LCLAT1: variants seen among roughly 807,000 people sequenced by gnomAD.
LCLAT1 encodes 1-AGP acyltransferase 8.
LCLAT1 carries 11 observed loss-of-function variants against 30.7 expected under a neutral mutation model. The observed-to-expected ratio is 0.36, with a 90% CI of 0.23 to 0.59. The LOEUF is 0.59. Ranked by LOEUF, LCLAT1 falls within the 20% of genes least tolerant of loss-of-function variation. The probability of loss-of-function intolerance (pLI) is 0.77; values close to 1 mark genes in which losing one functional copy is unlikely to be tolerated. For missense variants in LCLAT1, 402 were observed against 458.6 expected (o/e 0.88, Z 1.13); for synonymous variants, 155 against 151.3 (o/e 1.02, Z -0.18).
chr2:30,462,496 C>G (rs1328918347), intron 1 of LCLAT1, among the ~76,000 whole-genome samples: 2 of 152,128 alleles, frequency 1.3e-5, no homozygotes, highest in South Asian at 2.1e-4. Context: ...AGGGGAGGAC[C>G]CTTCTGCTCA....
At chr2:30,539,241 G>A (rs144000180) in intron 3 of LCLAT1, among the ~76,000 whole-genome samples, 13,366 of 139,148 alleles carry the variant, frequency 0.096, 658 homozygotes, top group East Asian at 0.12. Context: ...GAGCCACCGC[G>A]CCAGGCCTTT....
chr2:30,638,183 A>G (rs1669125446), intron 5 of LCLAT1, among the ~76,000 whole-genome samples: 1 of 152,226 alleles, frequency 6.6e-6, no homozygotes, highest in Non-Finnish European at 1.5e-5. Context: ...ACATTTGCAG[A>G]AAACTTGAAT....
Position 30,533,105 on chromosome 2 carries a change from T to C in LCLAT1, c.166-11T>C. On this transcript the variant is annotated splice_polypyrimidine_tract_variant and intron_variant, in intron 2 of 5. Coordinates refer to ENST00000379509, the MANE Select transcript of LCLAT1 (RefSeq NM_001002257.3). ...ACTTTAATTTGCTGTATATCTGTAT[T>C]GTTTTCTTAGGCATTATTGGAGACC... 6.3e-7 allele frequency: 1 copy of C among 1,593,522 alleles called. No homozygotes were observed. The highest frequency in any genetic ancestry group is 8.6e-7 in the Non-Finnish European group (1 of 1,161,184).
chr2:30,525,456 C>T, intron 1 of LCLAT1, 131 bp from the exon 2 acceptor site: 1 of 697,996 alleles, frequency 1.4e-6, no homozygotes, highest in South Asian at 1.9e-5. Context: ...GAAATTCAGA[C>T]TCTTATATTG....
intron 1 of LCLAT1, among the ~76,000 whole-genome samples, chr2:30,518,648 C>T (rs900286126): frequency 1.3e-5 from 2 of 152,128 alleles, no homozygotes; most frequent in Non-Finnish European, 2.9e-5. Context: ...TCAATGAGGC[C>T]GTTGTCCCTC....
chr2:30,603,821 A>T (rs936391591), intron 5 of LCLAT1, among the ~76,000 whole-genome samples: 8 of 152,158 alleles, frequency 5.3e-5, no homozygotes, highest in African/African-American at 1.7e-4. Flanking sequence ...AAAGCAATAG[A>T]TCATCTGACA....
chr2:30,582,306 G>T (rs1396176309), intron 5 of LCLAT1, among the ~76,000 whole-genome samples: 1 of 151,068 alleles, frequency 6.6e-6, no homozygotes, highest in Non-Finnish European at 1.5e-5. Context: ...AATTGTATAT[G>T]AGATCAGTGA....
At chr2:30,469,228 A>C (rs1019273035) in intron 1 of LCLAT1, among the ~76,000 whole-genome samples, 8 of 151,796 alleles carry the variant, frequency 5.3e-5, no homozygotes, top group African/African-American at 1.9e-4. Context: ...TCACGTGCAA[A>C]AGTGTTTCAT....
intron 1 of LCLAT1, among the ~76,000 whole-genome samples, chr2:30,467,948 A>G (rs1682533649): frequency 6.6e-6 from 1 of 152,056 alleles, no homozygotes; most frequent in African/African-American, 2.4e-5. Context: ...GTTTAATTAG[A>G]TCCCATTTGT....
At chr2:30,520,424 A>G (rs942062678) in intron 1 of LCLAT1, among the ~76,000 whole-genome samples, 5 of 152,244 alleles carry the variant, frequency 3.3e-5, no homozygotes, top group Non-Finnish European at 7.3e-5. Context: ...CAGATGTAAT[A>G]CATGGCTTGA....
At chr2:30,524,822 G>A (rs2148382625) in intron 1 of LCLAT1, among the ~76,000 whole-genome samples, 1 of 152,192 alleles carries the variant, frequency 6.6e-6, no homozygotes, top group East Asian at 1.9e-4. Context: ...ATCATGGTAT[G>A]TATGTAATGT....
intron 3 of LCLAT1, among the ~76,000 whole-genome samples, chr2:30,558,861 C>G (rs1303686640): frequency 6.6e-6 from 1 of 152,168 alleles, no homozygotes; most frequent in Non-Finnish European, 1.5e-5. Flanking sequence ...TGGTTATCTA[C>G]TTAGCAGAAA....
chr2:30,618,740 A>G (rs1668108097), intron 5 of LCLAT1, among the ~76,000 whole-genome samples: 1 of 152,200 alleles, frequency 6.6e-6, no homozygotes, highest in Admixed American at 6.5e-5. Flanking sequence ...GTGTTCAGTT[A>G]TTCATTACTA....
At chr2:30,461,770 C>CTTTTTTT (rs1553354407) in intron 1 of LCLAT1, among the ~76,000 whole-genome samples, 3 of 131,800 alleles carry the variant, frequency 2.3e-5, no homozygotes, top group Non-Finnish European at 3.3e-5. Flanking sequence ...CTAAATTAAA[C>CTTTTTTT]TTTTTTTTTT....
At chr2:30,546,679 A>C (rs562229313) in intron 3 of LCLAT1, among the ~76,000 whole-genome samples, 1 of 152,346 alleles carries the variant, frequency 6.6e-6, no homozygotes, top group East Asian at 1.9e-4. Context: ...ATCACATGTT[A>C]GCCACAAAGA....
intron 5 of LCLAT1, among the ~76,000 whole-genome samples, chr2:30,589,919 A>ATC (rs1666617324): frequency 6.6e-6 from 1 of 152,058 alleles, no homozygotes; most frequent in African/African-American, 2.4e-5. Context: ...AAAAGGGTAA[A>ATC]TCAAAGCATC....
intron 1 of LCLAT1, among the ~76,000 whole-genome samples, chr2:30,449,011 CG>C (rs1030454023): frequency 4.6e-5 from 7 of 152,104 alleles, no homozygotes; most frequent in African/African-American, 1.7e-4. Flanking sequence ...GCACTGAATC[CG>C]GGGACTTATA....
At chr2:30,594,356 A>G (rs1458235991) in intron 5 of LCLAT1, among the ~76,000 whole-genome samples, 1 of 152,142 alleles carries the variant, frequency 6.6e-6, no homozygotes, top group East Asian at 1.9e-4. Flanking sequence ...GCGAACACCC[A>G]TACACCCACC....
chr2:30,627,993 CTG>C (rs1668594988), intron 5 of LCLAT1, among the ~76,000 whole-genome samples: 1 of 152,032 alleles, frequency 6.6e-6, no homozygotes, highest in East Asian at 1.9e-4. Flanking sequence ...GACCATAAAA[CTG>C]TTTTTGCTGC....
Sources: allele counts gnomAD v4.1 joint callset (sites outside exome capture counted in the v4.1 genomes callset), GRCh38; gene constraint gnomAD v4.1.1; transcripts MANE v1.5; gene names NCBI Gene and HGNC (gene_info 2026-07-23, HGNC 2026-07-21).